The following ASAH2 variants were observed in gnomAD, a reference collection of about 807,000 sequenced individuals.
ASAH2 encodes the protein neutral ceramidase.
A neutral mutation model predicts 82.9 loss-of-function variants in ASAH2; 58 were observed. The observed-to-expected ratio is 0.70, with a 90% CI of 0.57 to 0.87. ASAH2 has a LOEUF of 0.87. ASAH2 is among the 40% of genes least tolerant of loss of function. The pLI, the probability that ASAH2 is intolerant of heterozygous loss-of-function variation, is 0.00. For synonymous variants in ASAH2, 276 were observed against 289.7 expected (o/e 0.95, Z 0.48); for missense variants, 779 against 834.0 (o/e 0.93, Z 0.81).
chr10:50,226,493 T>C (rs1845887617), intron 7 of ASAH2, among the ~76,000 whole-genome samples: 1 of 152,092 alleles, frequency 6.6e-6, no homozygotes, highest in East Asian at 1.9e-4. Context: ...AAGAAGATTT[T>C]AAAAATTACT....
intron 7 of ASAH2, among the ~76,000 whole-genome samples, chr10:50,227,471 A>G (rs1845917017): frequency 6.6e-6 from 1 of 152,218 alleles, no homozygotes; most frequent in Non-Finnish European, 1.5e-5. Context: ...TTCTTATTAT[A>G]TGTTCCACAT....
In ASAH2 at chr10:50,214,859, C is replaced by A. The variant is rs1347409220; in HGVS notation, c.1024G>T (p.Val342Leu). ...AGGTTTGATGAAGCAAAGGCTGCTA[C>A]AAATGGCCCCTGCCAAAAGAAATGC... is the stretch of plus-strand genomic sequence containing the variant. The part of the protein sequence containing the change: ...KGYLPGQGPF[V>L]AAFASSNLGD... Residue 342 changes from valine to leucine, a missense_variant, in exon 9 of 21, where the codon GTA becomes TTA. This residue lies in a region of ASAH2 where 759 missense variants were observed against 755.2 expected (regional missense o/e 1.00). Coordinates refer to ENST00000682911, the MANE Select transcript of ASAH2 (RefSeq NM_019893.4). 1 of 1,613,558 alleles carries A rather than the reference C, an allele frequency of 6.2e-7. No individual in the cohort carries two copies. Among genetic ancestry groups the A allele is most frequent in the Non-Finnish European group, 8.5e-7 (1 of 1,179,618 alleles).
rs764036591 is a variant in ASAH2, at chr10:50,243,267, C to T, written c.445G>A (p.Gly149Arg). Residue 149 changes from glycine (G) to arginine (R), a missense_variant, in exon 4 of 21, where the codon GGG becomes AGG. Transcript: ENST00000682911. Reference protein sequence around the residue: ...SRAFIMAEPDGSNRTVFVSID... With the variant: ...SRAFIMAEPDRSNRTVFVSID... ...CTGACAAACACTGTTCGATTGGACCCATCAGGTTCTGCCATGATGAAGGCA... is the reference window on the plus strand; with the variant it reads ...CTGACAAACACTGTTCGATTGGACCTATCAGGTTCTGCCATGATGAAGGCA... 1.4e-5 allele frequency: 22 copies of T among 1,614,012 alleles called. No individual in the cohort carries two copies. The African/African-American group carries it at 2.7e-4, about 20-fold the overall frequency.
chr10:50,187,390 C>T lies in ASAH2; in HGVS notation c.2268G>A (p.Lys756=). The T allele has an allele frequency of 2.6e-6, 1 of 380,136 alleles. No homozygotes were observed. Among genetic ancestry groups the T allele is most frequent in the Admixed American group, 5.6e-5 (1 of 17,836 alleles). The allele number at this position is 380,136 out of a possible 1,614,324, so 23.5% of individuals were successfully genotyped here. Residue 756 remains lysine, a synonymous_variant, in exon 21 of 21, where the codon AAG becomes AAA. Coordinates refer to ENST00000682911, the MANE Select transcript of ASAH2 (RefSeq NM_019893.4). ...YRIRYFGHNR[K]QDILKPAVIL... is the part of the protein sequence containing the mutation. ...TGACAGCAGGCTTCAGAATGTCCTG[C>T]TTCCGATTGTGTCCAAAATATCTTA...
chr10:50,195,598 G>A (rs1321180904), intron 18 of ASAH2, among the ~76,000 whole-genome samples: 25 of 151,698 alleles, frequency 1.6e-4, no homozygotes, highest in South Asian at 4.2e-4. Flanking sequence ...GAACTCCCAT[G>A]TTTATTGCAG....
At chr10:50,227,710 C>A (rs1030520258) in intron 7 of ASAH2, among the ~76,000 whole-genome samples, 2 of 151,960 alleles carry the variant, frequency 1.3e-5, no homozygotes, top group Non-Finnish European at 2.9e-5. Context: ...TCAAGTTGTC[C>A]AATATCTCCA....
At chr10:50,235,089 G>A (rs1846121770) in intron 5 of ASAH2, among the ~76,000 whole-genome samples, 1 of 152,096 alleles carries the variant, frequency 6.6e-6, no homozygotes, top group Non-Finnish European at 1.5e-5. Context: ...CTGACTGTGT[G>A]TCATACACTA....
intron 16 of ASAH2, among the ~76,000 whole-genome samples, chr10:50,201,817 T>C (rs1845156140): frequency 6.6e-6 from 1 of 152,186 alleles, no homozygotes; most frequent in Non-Finnish European, 1.5e-5. Context: ...TTCTTTATTA[T>C]GCTATTGAAT....
At chr10:50,249,818 C>T (rs1846569336) in intron 1 of ASAH2, among the ~76,000 whole-genome samples, 1 of 152,018 alleles carries the variant, frequency 6.6e-6, no homozygotes, top group Admixed American at 6.6e-5. Flanking sequence ...ACAGGTGGGA[C>T]CTTCAGAGCC....
chr10:50,200,497 G>A (rs1212549960), intron 16 of ASAH2, among the ~76,000 whole-genome samples: 1 of 152,018 alleles, frequency 6.6e-6, no homozygotes, highest in Admixed American at 6.6e-5. Context: ...ACTCTCACTT[G>A]TTGTCAAGAA....
Position 50,236,069 on chromosome 10 carries a change from A to C in ASAH2, c.511-5T>G, listed in dbSNP as rs1846153024. The C allele has an allele frequency of 6.2e-7, 1 of 1,612,288 alleles. No homozygotes were observed. Among genetic ancestry groups the C allele is most frequent in the African/African-American group, 1.3e-5 (1 of 74,856 alleles). ...ACTCTGCAGTCTGTTCAGGACCTTC[A>C]AGAAAAAAAGTAATTGAACTAAGAA... On this transcript the variant is annotated splice_polypyrimidine_tract_variant and splice_region_variant and intron_variant, in intron 4 of 20. Transcript: ENST00000682911.
At position 50,214,773 on chromosome 10, in the gene ASAH2, A is replaced by G. The variant is rs1209584247; in HGVS notation, c.1110T>C (p.Asp370=). ...CAATGGGACAAGTGCTATTGGCGTT[A>G]TCACAGGACTCTCCTGTGTTGATGC... ...PRCINTGESC[D]NANSTCPIGG... Residue 370 remains aspartate, a synonymous_variant, in exon 9 of 21, where the codon GAT becomes GAC. Coordinates refer to ENST00000682911, the MANE Select transcript of ASAH2 (RefSeq NM_019893.4). 4 of 1,613,810 alleles carry G rather than the reference A, an allele frequency of 2.5e-6. No individual in the cohort carries two copies. In the Admixed American group the frequency reaches 5.0e-5, roughly 20 times the overall value.
intron 17 of ASAH2, among the ~76,000 whole-genome samples, 165 bp downstream of exon 17, chr10:50,198,886 A>G (rs1481609849): frequency 6.6e-6 from 1 of 152,050 alleles, no homozygotes; most frequent in Non-Finnish European, 1.5e-5. Flanking sequence ...CCACAAAACT[A>G]TAAATTTTGT....
chr10:50,245,927 G>A (rs905786468), intron 2 of ASAH2, among the ~76,000 whole-genome samples: 1 of 152,060 alleles, frequency 6.6e-6, no homozygotes, highest in East Asian at 1.9e-4. Context: ...CTCACCTGCA[G>A]GATGCCACCC....
chr10:50,184,971 T>A lies in ASAH2; in HGVS notation c.*2344A>T, dbSNP rs1347707923. ...CTGGAAAAGAGATTATTCAGTGCTT[T>A]TCAAAGAAGTCAAAAAATCCTTAAA... On this transcript the variant is annotated 3_prime_UTR_variant, in exon 21 of 21. Coordinates refer to ENST00000682911, the MANE Select transcript of ASAH2 (RefSeq NM_019893.4). 27 of 151,748 alleles carry A rather than the reference T, an allele frequency of 1.8e-4. No homozygotes were observed. The highest frequency in any genetic ancestry group is 6.0e-4 in the African/African-American group (25 of 41,474). The allele number at this position is 151,748 out of a possible 1,614,324, so 9.4% of individuals were successfully genotyped here.
At chr10:50,246,096 T>G (rs1846450274) in intron 2 of ASAH2, among the ~76,000 whole-genome samples, 1 of 152,252 alleles carries the variant, frequency 6.6e-6, no homozygotes, top group Non-Finnish European at 1.5e-5. Context: ...ACATATATTC[T>G]ATATTAATGT....
At chr10:50,212,109 G>T (rs1845469160) in intron 10 of ASAH2, among the ~76,000 whole-genome samples, 1 of 151,794 alleles carries the variant, frequency 6.6e-6, no homozygotes, top group African/African-American at 2.4e-5. Flanking sequence ...GTGTCAGATT[G>T]TTCTTTAAAG....
chr10:50,218,656 T>C (rs756082142), intron 7 of ASAH2, 26 bp from the exon 8 acceptor site: 27 of 1,613,692 alleles, frequency 1.7e-5, no homozygotes, highest in Non-Finnish European at 2.5e-6. Flanking sequence ...AAGCTCTAAA[T>C]TAATCAGGAG....
At chr10:50,198,133 G>T (rs1845039322) in intron 17 of ASAH2, among the ~76,000 whole-genome samples, 1 of 151,872 alleles carries the variant, frequency 6.6e-6, no homozygotes, top group South Asian at 2.1e-4. Context: ...AACCTACAGA[G>T]ACAACCATTT....
Sources: gnomAD v4.1 joint callset for allele counts (sites outside exome capture counted in the v4.1 genomes callset) on GRCh38, gnomAD v4.1.1 for gene constraint, gnomAD v4.1.1 regional missense constraint, MANE v1.5 for transcripts, NCBI Gene and HGNC (gene_info 2026-07-23, HGNC 2026-07-21) for gene names.